The following AKR1C3 variants were observed in gnomAD, a reference collection of about 807,000 sequenced individuals.
The protein encoded by AKR1C3 is 3-alpha hydroxysteroid dehydrogenase, type II.
A neutral mutation model predicts 43.6 loss-of-function variants in AKR1C3; 48 were observed. The observed-to-expected ratio is 1.10, with a 90% confidence interval of 0.87 to 1.40. The LOEUF is 1.40. Among genes scored for constraint, AKR1C3 ranks in the 40% most tolerant of loss-of-function variants. AKR1C3 has a pLI of 0.00. For missense variants in AKR1C3, 482 were observed against 391.2 expected (o/e 1.23, Z -1.96); for synonymous variants, 162 against 139.6 (o/e 1.16, Z -1.13).
chr10:5,103,987 C>T (rs1376931689), intron 7 of AKR1C3, among the ~76,000 whole-genome samples: 1 of 151,984 alleles, frequency 6.6e-6, no homozygotes, highest in Non-Finnish European at 1.5e-5. Context: ...ATTACACATA[C>T]ATACATATAT....
intron 6 of AKR1C3, 55 bp from the exon 7 acceptor site, chr10:5,102,430 G>A (rs1037742763): frequency 8.0e-6 from 10 of 1,243,808 alleles, no homozygotes; most frequent in Admixed American, 2.3e-5. Context: ...TTAGGGAGCC[G>A]CCTAACAAAC....
chr10:5,095,595 GTTTA>G (rs1382979094), intron 1 of AKR1C3, among the ~76,000 whole-genome samples: 5 of 151,780 alleles, frequency 3.3e-5, no homozygotes, highest in South Asian at 2.1e-4. Flanking sequence ...AATGAAAACA[GTTTA>G]TTTATATTTT....
intron 1 of AKR1C3, among the ~76,000 whole-genome samples, chr10:5,087,500 G>A (rs1433092206): frequency 1.3e-5 from 2 of 151,196 alleles, no homozygotes; most frequent in Non-Finnish European, 2.9e-5. Context: ...AGCCTTCCAA[G>A]TAGCTGAGAT....
chr10:5,106,413 G>A (rs148061459), intron 8 of AKR1C3, among the ~76,000 whole-genome samples: 4 of 152,200 alleles, frequency 2.6e-5, no homozygotes, highest in African/African-American at 4.8e-5. Flanking sequence ...CATGGTCTAA[G>A]GTTCTAGGAT....
intron 5 of AKR1C3, among the ~76,000 whole-genome samples, chr10:5,100,606 C>G (rs1307556595): frequency 6.6e-6 from 1 of 152,122 alleles, no homozygotes; most frequent in African/African-American, 2.4e-5. Context: ...TACCTTTTTG[C>G]TAATTTACAC....
At chr10:5,072,465 G>A (rs1370772474) in intron 1 of AKR1C3, among the ~76,000 whole-genome samples, 2 of 152,148 alleles carry the variant, frequency 1.3e-5, no homozygotes, top group Admixed American at 6.5e-5. Context: ...AATTGTATTT[G>A]TAAACTCTTC....
chr10:5,066,221 A>T (rs775633816), intron 1 of AKR1C3, among the ~76,000 whole-genome samples: 1 of 152,136 alleles, frequency 6.6e-6, no homozygotes, highest in Non-Finnish European at 1.5e-5. Flanking sequence ...GTTTCCTTAA[A>T]GTCTTAGAAC....
Position 5,102,167 on chromosome 10 carries a change from C to A in AKR1C3, c.637C>A (p.Leu213Met). ...LDFCKSKDIV[L>M]VAYSALGSQR... The stretch of plus-strand genomic sequence containing the variant: ...TTTCTGCAAGTCGAAAGATATTGTT[C>A]TGGTTGCCTATAGTGCTCTGGGATC... Residue 213 changes from leucine (L) to methionine (M), a missense_variant, in exon 6 of 9, where the codon CTG (leucine) becomes ATG (methionine). Leu to Met is a conservative substitution (Grantham distance 15, BLOSUM62 2). Coordinates refer to ENST00000380554, the MANE Select transcript of AKR1C3 (RefSeq NM_003739.6). 1 of 1,614,028 alleles carries A rather than the reference C, an allele frequency of 6.2e-7. No homozygotes were observed. The highest frequency in any genetic ancestry group is 8.5e-7 in the Non-Finnish European group (1 of 1,179,942).
chr10:5,061,520 G>A lies in AKR1C3; in HGVS notation c.84+12625G>A, dbSNP rs192251151. Among the ~76,000 whole-genome samples the A allele has an allele frequency of 2.2e-3, 332 of 152,306 alleles. 2 individuals carry two copies. Among genetic ancestry groups the A allele is most frequent in the African/African-American group, 7.8e-3 (323 of 41,566 alleles). On this transcript the variant is annotated intron_variant, in intron 1 of 8. Coordinates refer to the AKR1C3 transcript ENST00000439082. ...ATGATTACAGGTCAGATATGGAAGA[G>A]GTTTAGAAGGAGGGGGTTGAGTACA...
chr10:5,091,438 G>T (rs558492282), upstream of AKR1C3, among the ~76,000 whole-genome samples: 1 of 152,088 alleles, frequency 6.6e-6, no homozygotes, highest in Non-Finnish European at 1.5e-5. Flanking sequence ...TCTAATGTTA[G>T]GTAATACATG....
intron 1 of AKR1C3, among the ~76,000 whole-genome samples, chr10:5,068,387 C>T (rs1179631563): frequency 6.6e-6 from 1 of 151,788 alleles, no homozygotes; most frequent in Non-Finnish European, 1.5e-5. Context: ...AAAAGCCAGG[C>T]ATTAGAAAAG....
rs986869269 is a variant in AKR1C3 at position 5,107,377 on chromosome 10, T to A, written c.930-84T>A. On this transcript the variant is annotated intron_variant, in intron 8 of 8. Transcript: ENST00000380554. ...TAGTCAGACAACTTAACATTCATAC[T>A]AATGACAGCTTCATTGAAATCACTT... 1.4e-5 allele frequency: 14 copies of A among 985,878 alleles called. No individual in the cohort carries two copies. The Admixed American group carries it at 2.5e-4, about 18-fold the overall frequency. 61.1% of individuals were successfully genotyped at this position (985,878 alleles called of 1,614,324 possible). A position where few individuals can be genotyped will look rare whatever the true frequency, so the allele number is the denominator to read the frequency against.
chr10:5,054,514 G>A lies in AKR1C3; in HGVS notation c.84+5619G>A, dbSNP rs1437397954. ...CCAGTTAGTGGGGAGGCAGATATAG[G>A]TCAATGTTCCGCATAAGAAAAATAT... is the stretch of plus-strand genomic sequence containing the variant. On this transcript the variant is annotated intron_variant, in intron 1 of 8. Coordinates refer to the AKR1C3 transcript ENST00000439082. 4.6e-5 allele frequency among the ~76,000 whole-genome samples: 7 copies of A among 152,282 alleles called. No individual in the cohort carries two copies. In the South Asian group the frequency reaches 8.3e-4, roughly 18 times the overall value.
intron 1 of AKR1C3, among the ~76,000 whole-genome samples, chr10:5,078,780 A>G (rs1017949333): frequency 1.1e-4 from 16 of 152,200 alleles, no homozygotes; most frequent in Non-Finnish European, 2.2e-4. Context: ...TGTGAATAGC[A>G]TGGTAAGTTG....
intron 1 of AKR1C3, among the ~76,000 whole-genome samples, chr10:5,062,456 T>C (rs1333263090): frequency 1.1e-4 from 16 of 152,336 alleles, no homozygotes; most frequent in African/African-American, 3.8e-4. Flanking sequence ...AGCTGAGCTT[T>C]TCCCTCCAAA....
intron 7 of AKR1C3, among the ~76,000 whole-genome samples, chr10:5,104,685 T>A (rs1269902996): frequency 6.6e-6 from 1 of 152,182 alleles, no homozygotes; most frequent in Non-Finnish European, 1.5e-5. Flanking sequence ...TTTTTGACAA[T>A]ATTGAGACTT....
At chr10:5,051,633 T>A (rs926152823) in intron 1 of AKR1C3, among the ~76,000 whole-genome samples, 1 of 151,642 alleles carries the variant, frequency 6.6e-6, no homozygotes, top group Non-Finnish European at 1.5e-5. Flanking sequence ...TCTTCAGTCT[T>A]GCTGGACACC....
chr10:5,060,916 G>A (rs567048121), intron 1 of AKR1C3, among the ~76,000 whole-genome samples: 7 of 152,338 alleles, frequency 4.6e-5, no homozygotes, highest in Admixed American at 6.5e-5. Context: ...TGGGGCTTGC[G>A]GGCTGGCCAG....
chr10:5,090,873 A>T (rs1839073669), upstream of AKR1C3, among the ~76,000 whole-genome samples: 1 of 152,198 alleles, frequency 6.6e-6, no homozygotes, highest in African/African-American at 2.4e-5. Context: ...AAGTCAGATG[A>T]AGAAATTGTT....
Sources: allele counts gnomAD v4.1 joint callset (sites outside exome capture counted in the v4.1 genomes callset), GRCh38; gene constraint gnomAD v4.1.1; transcripts MANE v1.5; gene names NCBI Gene and HGNC (gene_info 2026-07-23, HGNC 2026-07-21).